XPA: variants seen among roughly 807,000 people sequenced by gnomAD.
XPA encodes XPA, DNA damage recognition and repair factor, also known as DNA repair protein complementing XP-A cells.
Under a neutral mutation model 35.7 loss-of-function variants are expected in XPA, and 27 were observed. The ratio of observed to expected loss-of-function variants is 0.76; its 90% CI spans 0.56 to 1.04. The LOEUF is 1.04. Among genes scored for constraint, XPA ranks in the 50% least tolerant of loss-of-function variants. XPA has a pLI of 0.00. For synonymous variants in XPA, 133 were observed against 118.4 expected (o/e 1.12, Z -0.80); for missense variants, 354 against 342.7 (o/e 1.03, Z -0.26).
At chr9:97,661,462 GAA>G in the XPA span, among the ~76,000 whole-genome samples, 1 of 152,140 alleles carries the variant, frequency 6.6e-6, no homozygotes, top group Non-Finnish European at 1.5e-5. Context: ...ATTCCAACCA[GAA>G]TCCTAGGAGT....
chr9:97,685,165 T>G, intron 4 of XPA, 125 bp from the exon 5 acceptor site: 1 of 693,940 alleles, frequency 1.4e-6, no homozygotes, highest in South Asian at 2.0e-5. Context: ...TAAATACTTA[T>G]TAGAAATTTA....
chr9:97,667,754 C>A, the XPA span, among the ~76,000 whole-genome samples: 4 of 152,210 alleles, frequency 2.6e-5, no homozygotes, highest in Non-Finnish European at 5.9e-5. Context: ...TAGTTAAATA[C>A]AATTTAACAT....
At chr9:97,666,074 T>C in the XPA span, among the ~76,000 whole-genome samples, 1 of 152,192 alleles carries the variant, frequency 6.6e-6, no homozygotes, top group Non-Finnish European at 1.5e-5. Context: ...AAACCTGTAT[T>C]GTTCAAGGGC....
In XPA at chr9:97,674,984, T is replaced by A. The variant is rs1828305392; in HGVS notation, c.*455A>T. On this transcript the variant is annotated 3_prime_UTR_variant, in exon 6 of 6. Coordinates refer to ENST00000375128, the MANE Select transcript of XPA (RefSeq NM_000380.4). ...CAGTAGTTCCCCACTGTTTCCACCA[T>A]CGTGGAGACAGAAATCGTCCTAAAA... 1.9e-6 allele frequency: 1 copy of A among 524,202 alleles called. No homozygotes were observed. Among genetic ancestry groups the A allele is most frequent in the South Asian group, 1.5e-5 (1 of 65,090 alleles). The allele number at this position is 524,202 out of a possible 1,614,324, so 32.5% of individuals were successfully genotyped here.
At chr9:97,670,107 G>A (rs1360061785), downstream of XPA, 1 of 320,812 alleles carries the variant, frequency 3.1e-6, no homozygotes, top group Non-Finnish European at 6.2e-6. Context: ...ATTTTTAGTA[G>A]GGACAGAGTT....
At chr9:97,655,860 A>T in the XPA span, 1 of 1,379,630 alleles carries the variant, frequency 7.2e-7, no homozygotes, top group Non-Finnish European at 1.0e-6. Context: ...AATTTCTTGG[A>T]AACTATTTGT....
At chr9:97,687,514 G>A (rs1034854376) in intron 3 of XPA, among the ~76,000 whole-genome samples, 2 of 152,176 alleles carry the variant, frequency 1.3e-5, no homozygotes, top group African/African-American at 4.8e-5. Context: ...AAAGGCTCTA[G>A]GGCAGGGGTG....
intron 3 of XPA, among the ~76,000 whole-genome samples, chr9:97,689,114 G>C (rs958315202): frequency 1.3e-5 from 2 of 152,130 alleles, no homozygotes; most frequent in Non-Finnish European, 2.9e-5. Context: ...AATGAAAAAG[G>C]TATTCGGAGC....
At chr9:97,659,241 A>G in the XPA span, among the ~76,000 whole-genome samples, 2 of 152,246 alleles carry the variant, frequency 1.3e-5, no homozygotes, top group African/African-American at 4.8e-5. Context: ...TAGTATTTAC[A>G]CTTAATGAAG....
At position 97,675,010 on chromosome 9, in the gene XPA, A is replaced by C. The variant is rs1277356343; in HGVS notation, c.*429T>G. 1.9e-6 allele frequency: 1 copy of C among 527,104 alleles called. No homozygotes were observed. 32.7% of individuals were successfully genotyped at this position (527,104 alleles called of 1,614,324 possible). ...CGTGGAGACAGAAATCGTCCTAAAA[A>C]ACACATGACTAGAACCTGGGGTACA... is the stretch of plus-strand genomic sequence containing the variant. On this transcript the variant is annotated 3_prime_UTR_variant, in exon 6 of 6. Coordinates refer to ENST00000375128, the MANE Select transcript of XPA (RefSeq NM_000380.4).
intron 5 of XPA, chr9:97,682,282 T>C (rs1195628138): frequency 1.9e-6 from 1 of 518,832 alleles, no homozygotes; most frequent in Admixed American, 1.9e-5. Context: ...CAATTTCTTT[T>C]CAACTAAAAT....
At chr9:97,676,748 A>T (rs1177842655) in intron 5 of XPA, among the ~76,000 whole-genome samples, 1 of 152,174 alleles carries the variant, frequency 6.6e-6, no homozygotes, top group East Asian at 1.9e-4. Context: ...GAGAAGTTAT[A>T]AGTTGCTCAA....
the XPA span, among the ~76,000 whole-genome samples, chr9:97,656,339 T>A: frequency 6.6e-6 from 1 of 152,208 alleles, no homozygotes; most frequent in Non-Finnish European, 1.5e-5. Flanking sequence ...CCCAGCACTT[T>A]GGGAGGCCAA....
chr9:97,663,218 T>C, the XPA span, among the ~76,000 whole-genome samples: 1 of 152,228 alleles, frequency 6.6e-6, no homozygotes, highest in Non-Finnish European at 1.5e-5. Context: ...TCATTCATTC[T>C]TGAAAGAGTA....
chr9:97,672,190 G>T (rs1034778823), downstream of XPA: 1 of 152,138 alleles, frequency 6.6e-6, no homozygotes, highest in Non-Finnish European at 1.5e-5. Context: ...ATGAGGAATT[G>T]TCTGACATTC....
chr9:97,681,403 T>C (rs1190284073), intron 5 of XPA, among the ~76,000 whole-genome samples: 6 of 152,114 alleles, frequency 3.9e-5, no homozygotes, highest in African/African-American at 1.4e-4. Context: ...TCTCCCGAAC[T>C]CTCTTGAGAG....
intron 4 of XPA, 125 bp downstream of exon 4, chr9:97,686,971 A>G (rs904529623): frequency 3.4e-6 from 3 of 889,434 alleles, no homozygotes; most frequent in Non-Finnish European, 5.2e-6. Context: ...ATGACTGTGA[A>G]GCATATGCAA....
downstream of XPA, chr9:97,672,719 TG>T: frequency 5.6e-6 from 1 of 179,856 alleles, no homozygotes. Context: ...TTCCTCAGCC[TG>T]CTCAACGTGA....
chr9:97,687,615 G>A (rs1587746664), intron 3 of XPA, among the ~76,000 whole-genome samples: 1 of 152,294 alleles, frequency 6.6e-6, no homozygotes, highest in East Asian at 1.9e-4. Context: ...GATACAGTCA[G>A]AGACAGTCAG....
Sources: allele counts gnomAD v4.1 joint callset (sites outside exome capture counted in the v4.1 genomes callset), GRCh38; gene constraint gnomAD v4.1.1; transcripts MANE v1.5; gene names NCBI Gene and HGNC (gene_info 2026-07-23, HGNC 2026-07-21).